Variants in CDH4 observed in about 807,000 individuals in gnomAD.
CDH4 encodes cadherin-4.
Under a neutral mutation model 86.0 loss-of-function variants are expected in CDH4, and 33 were observed. The ratio of observed to expected loss-of-function variants is 0.38; its 90% CI spans 0.29 to 0.51. CDH4 has a LOEUF of 0.51. Ranked by LOEUF, CDH4 falls within the 20% of genes least tolerant of loss-of-function variation. CDH4 has a pLI of 0.86. For missense variants in CDH4, 1,114 were observed against 1,307.4 expected, an observed-to-expected ratio of 0.85 and a Z score of 2.28; for synonymous variants, 555 against 549.4, an observed-to-expected ratio of 1.01 and a Z score of -0.14.
intron 6 of CDH4, among the ~76,000 whole-genome samples, chr20:61,858,173 CTG>C (rs1555849335): frequency 7.4e-5 from 7 of 95,138 alleles, no homozygotes; most frequent in South Asian, 4.7e-4. Context: ...CTCTGTGTGT[CTG>C]TGTGTGTCTC....
chr20:61,545,704 C>A (rs961664993), intron 2 of CDH4, among the ~76,000 whole-genome samples: 5 of 152,112 alleles, frequency 3.3e-5, no homozygotes, highest in Non-Finnish European at 7.3e-5. Context: ...TTGGCGCCAG[C>A]GGGCAGGAGG....
intron 2 of CDH4, among the ~76,000 whole-genome samples, chr20:61,620,935 G>A (rs1021020926): frequency 1.3e-5 from 2 of 152,238 alleles, no homozygotes; most frequent in African/African-American, 2.4e-5. Context: ...CTTCCACGCG[G>A]GAAGGTTCAG....
chr20:61,285,768 T>C (rs752854700), intron 2 of CDH4, among the ~76,000 whole-genome samples: 11 of 152,264 alleles, frequency 7.2e-5, no homozygotes, highest in Non-Finnish European at 1.3e-4. Context: ...TCTGCAGACA[T>C]GGAACCCAAA....
intron 2 of CDH4, among the ~76,000 whole-genome samples, chr20:61,594,368 G>A (rs895597607): frequency 1.3e-5 from 2 of 152,110 alleles, no homozygotes; most frequent in Non-Finnish European, 1.5e-5. Flanking sequence ...CCCTAGATGC[G>A]GAGGGAGGAC....
chr20:61,793,209 G>A (rs1979308718), intron 4 of CDH4, among the ~76,000 whole-genome samples: 2 of 148,940 alleles, frequency 1.3e-5, no homozygotes, highest in Non-Finnish European at 3.0e-5. Context: ...AAGTGATCTG[G>A]CCACCTTGGC....
At chr20:61,632,156 C>T (rs2086895157) in intron 2 of CDH4, among the ~76,000 whole-genome samples, 1 of 152,216 alleles carries the variant, frequency 6.6e-6, no homozygotes, top group South Asian at 2.1e-4. Context: ...GGAGTCTCCA[C>T]CAGTGCAACC....
At chr20:61,635,968 G>A (rs1600827163) in intron 2 of CDH4, among the ~76,000 whole-genome samples, 1 of 152,210 alleles carries the variant, frequency 6.6e-6, no homozygotes, top group African/African-American at 2.4e-5. Flanking sequence ...ATTTTCCTGA[G>A]CCCCAGAAAG....
intron 6 of CDH4, among the ~76,000 whole-genome samples, chr20:61,867,690 G>A (rs1983613588): frequency 6.6e-6 from 1 of 152,124 alleles, no homozygotes; most frequent in Non-Finnish European, 1.5e-5. Context: ...AGCTCTAAGT[G>A]CAGGATTTGC....
chr20:61,390,574 C>T (rs1472101869), intron 2 of CDH4, among the ~76,000 whole-genome samples: 1 of 150,374 alleles, frequency 6.7e-6, no homozygotes, highest in South Asian at 2.1e-4. Flanking sequence ...CGATTGGGTT[C>T]GTGCGGTCAT....
At chr20:61,560,648 G>A (rs1027654124) in intron 2 of CDH4, among the ~76,000 whole-genome samples, 4 of 152,238 alleles carry the variant, frequency 2.6e-5, no homozygotes, top group African/African-American at 9.6e-5. Flanking sequence ...CCCTGGCGAG[G>A]GCTGAGTGCC....
intron 8 of CDH4, among the ~76,000 whole-genome samples, chr20:61,899,727 C>T (rs2122886728): frequency 1.3e-5 from 2 of 152,232 alleles, no homozygotes; most frequent in African/African-American, 4.8e-5. Context: ...GCACCCAGCC[C>T]AGGTTAAATA....
At chr20:61,678,114 C>T (rs1397938058) in intron 2 of CDH4, among the ~76,000 whole-genome samples, 1 of 151,152 alleles carries the variant, frequency 6.6e-6, no homozygotes, top group Non-Finnish European at 1.5e-5. Context: ...ATAGATGATA[C>T]ATTAGAAGAC....
At chr20:61,298,461 C>G (rs2084368707) in intron 2 of CDH4, among the ~76,000 whole-genome samples, 1 of 152,066 alleles carries the variant, frequency 6.6e-6, no homozygotes, top group African/African-American at 2.4e-5. Flanking sequence ...TTCCTCTCTC[C>G]TGGATTGGAT....
At chr20:61,765,413 A>T (rs545965189) in intron 3 of CDH4, among the ~76,000 whole-genome samples, 1 of 152,242 alleles carries the variant, frequency 6.6e-6, no homozygotes, top group African/African-American at 2.4e-5. Context: ...GCTGTACATG[A>T]TACTGAGGCC....
intron 2 of CDH4, among the ~76,000 whole-genome samples, chr20:61,548,616 CTT>C (rs1280371627): frequency 1.1e-4 from 16 of 152,116 alleles, no homozygotes; most frequent in East Asian, 3.9e-4. Flanking sequence ...TTTATACAAA[CTT>C]AAATTATCAG....
At chr20:61,925,084 C>T (rs1053628524) in intron 11 of CDH4, among the ~76,000 whole-genome samples, 50 of 152,164 alleles carry the variant, frequency 3.3e-4, no homozygotes, top group African/African-American at 1.1e-3. Context: ...GTGCAGAGGG[C>T]GGTGGCAAGG....
At chr20:61,643,355 A>T (rs1267516290) in intron 2 of CDH4, among the ~76,000 whole-genome samples, 1 of 152,218 alleles carries the variant, frequency 6.6e-6, no homozygotes, top group Non-Finnish European at 1.5e-5. Context: ...ACCTCTCAGT[A>T]CCGTTACATT....
In CDH4 at chr20:61,565,247, G is replaced by GGTC. The variant is rs2086273033; in HGVS notation, c.170-178316_170-178315insGTC. Among the ~76,000 whole-genome samples the GGTC allele has an allele frequency of 1.7e-5, 2 of 116,308 alleles. 1 individual carries two copies. The highest frequency in any genetic ancestry group is 3.7e-5 in the Non-Finnish European group (2 of 53,876). 76.3% of individuals were successfully genotyped at this position (116,308 alleles called of 152,430 possible). Reference sequence around the variant, plus strand: ...AGGTGGTGGTGGTGGTGGTGGCGGTGCTCTTGGTGATGGTGGTGGTGGTCC... The same window carrying GGTC: ...AGGTGGTGGTGGTGGTGGTGGCGGTGGTCCTCTTGGTGATGGTGGTGGTGGTCC... On this transcript the variant is annotated intron_variant, in intron 2 of 15. Coordinates refer to ENST00000614565, the MANE Select transcript of CDH4 (RefSeq NM_001794.5).
chr20:61,472,750 G>T (rs1313947051), intron 2 of CDH4, among the ~76,000 whole-genome samples: 2 of 152,078 alleles, frequency 1.3e-5, no homozygotes, highest in Non-Finnish European at 2.9e-5. Context: ...TTTGTGAGTT[G>T]TTCTGCTAAC....
Sources: gnomAD v4.1 joint callset for allele counts (sites outside exome capture counted in the v4.1 genomes callset) on GRCh38, gnomAD v4.1.1 for gene constraint, MANE v1.5 for transcripts, NCBI Gene and HGNC (gene_info 2026-07-23, HGNC 2026-07-21) for gene names.